The following PTPN22 variants were observed in gnomAD, a reference collection of about 807,000 sequenced individuals.
The protein encoded by PTPN22 is protein tyrosine phosphatase non-receptor type 22, also known as tyrosine-protein phosphatase non-receptor type 22.
PTPN22 carries 85 observed loss-of-function variants against 103.3 expected under a neutral mutation model. The ratio of observed to expected loss-of-function variants is 0.82; its 90% CI spans 0.69 to 0.99. The LOEUF (loss-of-function observed/expected upper bound fraction) is 0.99. Among genes scored for constraint, PTPN22 ranks in the 50% least tolerant of loss-of-function variants. PTPN22 has a pLI of 0.00. For synonymous variants in PTPN22, 323 were observed against 310.2 expected (o/e 1.04, Z -0.43); for missense variants, 865 against 936.9 (o/e 0.92, Z 1.00).
intron 1 of PTPN22, among the ~76,000 whole-genome samples, chr1:113,865,423 A>G (rs1666040881): frequency 9.7e-5 from 1 of 10,260 alleles, no homozygotes; most frequent in Non-Finnish European, 2.5e-4. Flanking sequence ...TTCATGGGTA[A>G]AAATGAACAT....
Position 113,833,400 on chromosome 1 carries a change from T to C in PTPN22, c.2026-262A>G, listed in dbSNP as rs538153441. 1.9e-4 allele frequency among the ~76,000 whole-genome samples: 29 copies of C among 152,318 alleles called. No homozygotes were observed. The East Asian group carries it at 2.1e-3, about 11-fold the overall frequency. On this transcript the variant is annotated intron_variant, in intron 15 of 20. Coordinates refer to ENST00000359785, the Ensembl canonical transcript of PTPN22. The stretch of plus-strand genomic sequence containing the variant: ...TTATTTCTGTCCCACCTGAAACATT[T>C]CCCTGAAAATTTAATTAGAGGTAAG...
At chr1:113,836,161 G>C (rs965733049) in intron 13 of PTPN22, among the ~76,000 whole-genome samples, 1 of 152,144 alleles carries the variant, frequency 6.6e-6, no homozygotes, top group African/African-American at 2.4e-5. Flanking sequence ...TAATGTTATA[G>C]AGCAAAAGTT....
chr1:113,859,959 CTTT>C (rs35810164), intron 1 of PTPN22, among the ~76,000 whole-genome samples: 15 of 114,776 alleles, frequency 1.3e-4, no homozygotes, highest in African/African-American at 1.4e-4. Flanking sequence ...AAAGCAGTCA[CTTT>C]TTTTTTTTTT....
At chr1:113,861,162 T>A (rs1052487577) in intron 1 of PTPN22, among the ~76,000 whole-genome samples, 1 of 152,198 alleles carries the variant, frequency 6.6e-6, no homozygotes, top group African/African-American at 2.4e-5. Flanking sequence ...AAAGATTTGA[T>A]TTTTTTCCCT....
At chr1:113,862,108 G>A (rs1558055919) in intron 1 of PTPN22, among the ~76,000 whole-genome samples, 1 of 151,718 alleles carries the variant, frequency 6.6e-6, no homozygotes, top group African/African-American at 2.4e-5. Flanking sequence ...GTGAAACCCC[G>A]TCTCTACCAA....
chr1:113,841,261 C>G (rs1203597819), intron 11 of PTPN22, among the ~76,000 whole-genome samples: 1 of 151,896 alleles, frequency 6.6e-6, no homozygotes, highest in African/African-American at 2.4e-5. Flanking sequence ...GAAGTTGGAC[C>G]CTTATCTTAT....
chr1:113,817,673 C>T (rs1425824055), intron 20 of PTPN22, among the ~76,000 whole-genome samples: 1 of 152,080 alleles, frequency 6.6e-6, no homozygotes, highest in Admixed American at 6.6e-5. Context: ...TCTCAAACTT[C>T]TGGCCCCAAG....
At chr1:113,834,227 G>T in intron 15 of PTPN22, 82 bp downstream of exon 15, 1 of 1,365,314 alleles carries the variant, frequency 7.3e-7, no homozygotes, top group Non-Finnish European at 1.0e-6. Context: ...AGGATTTATT[G>T]AATGATGGGT....
At chr1:113,845,885 C>A (rs1477029473) in intron 11 of PTPN22, among the ~76,000 whole-genome samples, 2 of 152,184 alleles carry the variant, frequency 1.3e-5, no homozygotes, top group Admixed American at 1.3e-4. Context: ...ATCTCCCTAT[C>A]TCTGATAATT....
intron 1 of PTPN22, among the ~76,000 whole-genome samples, chr1:113,862,045 C>T (rs1396822693): frequency 6.6e-6 from 1 of 151,976 alleles, no homozygotes; most frequent in African/African-American, 2.4e-5. Context: ...CTTTGGGATG[C>T]CGAGGCAGGC....
exon 10 of PTPN22, chr1:113,852,081 A>G (rs1664617308): frequency 1.2e-6 from 2 of 1,610,524 alleles, no homozygotes; most frequent in Non-Finnish European, 1.7e-6. Flanking sequence ...TCAAACTGAA[A>G]ACACTGAAGT....
At chr1:113,816,438 A>C (rs61817624) in intron 20 of PTPN22, among the ~76,000 whole-genome samples, 2 of 97,020 alleles carry the variant, frequency 2.1e-5, no homozygotes, top group East Asian at 4.0e-4. Flanking sequence ...AAAAAAAAGA[A>C]TTGAAAAAAA....
intron 11 of PTPN22, among the ~76,000 whole-genome samples, chr1:113,841,599 T>TC (rs1382233379): frequency 6.7e-6 from 1 of 148,682 alleles, no homozygotes; most frequent in East Asian, 1.9e-4. Flanking sequence ...AACAACTCTT[T>TC]TTTTTTTTTT....
Position 113,838,049 on chromosome 1 carries a change from G to C in PTPN22, c.1351C>G (p.Pro451Ala), listed in dbSNP as rs774164587. The change falls in exon 13 of 21, where the codon CCT (proline) becomes GCT (alanine). Residue 451 changes from proline to alanine, a missense_variant. By Grantham distance (27) the Pro-to-Ala change is conservative. Transcript: ENST00000359785. ...TCTCTCTGCTGTATCAATTCAAAAG[G>C]AGTTGATTTGGTCCGTGTTATTGGC... The C allele has an allele frequency of 1.9e-5, 31 of 1,613,734 alleles. No individual in the cohort carries two copies. In the South Asian group the frequency reaches 3.4e-4, roughly 18 times the overall value.
chr1:113,837,927 A>T (rs141608148), exon 13 of PTPN22: 10 of 1,614,144 alleles, frequency 6.2e-6, no homozygotes, highest in South Asian at 1.1e-5. Context: ...CTGAAGAAAC[A>T]TGCATTACTT....
intron 14 of PTPN22, 131 bp from the exon 15 acceptor site, chr1:113,834,570 A>C: frequency 9.6e-7 from 1 of 1,037,772 alleles, no homozygotes; most frequent in East Asian, 2.4e-5. Flanking sequence ...ACTTCATTTT[A>C]TTTTTTGAGA....
intron 10 of PTPN22, 75 bp from the exon 11 acceptor site, chr1:113,848,701 G>A: frequency 8.2e-6 from 11 of 1,336,506 alleles, no homozygotes; most frequent in Non-Finnish European, 1.2e-5. Flanking sequence ...CAGATTTTAG[G>A]AATATGAACA....
chr1:113,848,719 A>G, intron 10 of PTPN22, 93 bp from the exon 11 acceptor site: 2 of 1,153,046 alleles, frequency 1.7e-6, no homozygotes, highest in South Asian at 1.3e-5. Flanking sequence ...ACACCAATCA[A>G]ATCCTAATAT....
chr1:113,854,355 G>T (rs1040440566), intron 9 of PTPN22, 116 bp downstream of exon 9: 3 of 1,020,266 alleles, frequency 2.9e-6, no homozygotes, highest in Non-Finnish European at 3.0e-6. Context: ...GGGTCTACAA[G>T]TACATTTTCT....
Sources: allele counts gnomAD v4.1 joint callset (sites outside exome capture counted in the v4.1 genomes callset), GRCh38; gene constraint gnomAD v4.1.1; transcripts MANE v1.5; gene names NCBI Gene and HGNC (gene_info 2026-07-23, HGNC 2026-07-21).